The following CMIP variants were observed in gnomAD, a reference collection of about 807,000 sequenced individuals.
The protein encoded by CMIP is C-Maf-inducing protein.
A neutral mutation model predicts 97.3 loss-of-function variants in CMIP; 13 were observed. That is an observed-to-expected ratio of 0.13 (90% CI 0.09 to 0.21). The LOEUF (loss-of-function observed/expected upper bound fraction) is 0.21, where lower values mean the gene tolerates loss of function less well. Ranked by LOEUF, CMIP falls within the 10% of genes least tolerant of loss-of-function variation. The pLI is 1.00. For missense variants in CMIP, 847 were observed against 1,024.9 expected, an observed-to-expected ratio of 0.83 and a Z score of 2.37; for synonymous variants, 538 against 436.3, an observed-to-expected ratio of 1.23 and a Z score of -2.91.
intron 1 of CMIP, among the ~76,000 whole-genome samples, chr16:81,559,824 C>A (rs754277053): frequency 2.6e-5 from 4 of 152,150 alleles, no homozygotes; most frequent in Non-Finnish European, 5.9e-5. Flanking sequence ...AAAACAGCCT[C>A]AGGCAAGTCT....
At chr16:81,594,374 C>G (rs2091516305) in intron 1 of CMIP, among the ~76,000 whole-genome samples, 1 of 151,728 alleles carries the variant, frequency 6.6e-6, no homozygotes, top group South Asian at 2.1e-4. Context: ...CCAGCCTCAG[C>G]CTCCCAAAGT....
intron 1 of CMIP, among the ~76,000 whole-genome samples, chr16:81,596,402 A>T (rs562585639): frequency 6.6e-6 from 1 of 150,458 alleles, no homozygotes; most frequent in East Asian, 2.0e-4. Context: ...GCTACTCGGG[A>T]GGCTGAGGGA....
At chr16:81,705,226 A>G (rs1907995485) in intron 18 of CMIP, among the ~76,000 whole-genome samples, 1 of 152,192 alleles carries the variant, frequency 6.6e-6, no homozygotes, top group Non-Finnish European at 1.5e-5. Context: ...AGGGAGAGAC[A>G]AGTTCAAAGC....
chr16:81,661,018 T>G, intron 6 of CMIP, 72 bp downstream of exon 6: 1 of 1,597,938 alleles, frequency 6.3e-7, no homozygotes, highest in African/African-American at 1.3e-5. Flanking sequence ...AGGGATTGGG[T>G]TTGCACAGAA....
chr16:81,538,269 C>G (rs2150834515), intron 1 of CMIP, among the ~76,000 whole-genome samples: 1 of 152,306 alleles, frequency 6.6e-6, no homozygotes, highest in South Asian at 2.1e-4. Flanking sequence ...CCCATGGAAA[C>G]TCATAAAGTA....
intron 1 of CMIP, chr16:81,495,523 T>C: frequency 6.2e-7 from 1 of 1,610,700 alleles, no homozygotes; most frequent in South Asian, 1.1e-5. Flanking sequence ...AACGACTCTG[T>C]CCAGCTTGAT....
intron 1 of CMIP, among the ~76,000 whole-genome samples, chr16:81,591,165 C>G (rs1444045296): frequency 6.6e-6 from 1 of 152,238 alleles, no homozygotes; most frequent in Non-Finnish European, 1.5e-5. Context: ...AAAGTTATTT[C>G]TCTTCTGTGG....
chr16:81,536,217 G>C (rs1045115348), intron 1 of CMIP, among the ~76,000 whole-genome samples: 1 of 152,204 alleles, frequency 6.6e-6, no homozygotes, highest in Non-Finnish European at 1.5e-5. Context: ...AAGGCTTCCA[G>C]CTTGCTGAGG....
In CMIP at chr16:81,627,504, C is replaced by A. The variant is rs1316561297; in HGVS notation, c.477+6578C>A. 1.3e-5 allele frequency among the ~76,000 whole-genome samples: 2 copies of A among 152,038 alleles called. No individual in the cohort carries two copies. The highest frequency in any genetic ancestry group is 6.5e-5 in the Admixed American group (1 of 15,278). On this transcript the variant is annotated intron_variant, in intron 3 of 20. Coordinates refer to ENST00000537098, the MANE Select transcript of CMIP (RefSeq NM_198390.3). The surrounding 1 kb of genome is among the most constrained non-coding windows in gnomAD (Gnocchi z 4.6). ...TGGCTCGGCCTGTCTCCCTGGCAGC[C>A]CCTTCCAGCCTCCACAGGTGGTCCC...
chr16:81,671,919 G>T (rs1220139471), intron 8 of CMIP, 47 bp from the exon 9 acceptor site: 3 of 1,034,740 alleles, frequency 2.9e-6, no homozygotes, highest in Non-Finnish European at 2.9e-6. Flanking sequence ...CTGTCCATGG[G>T]CCCCACTCCT....
chr16:81,676,294 G>A (rs1033929967), intron 9 of CMIP, among the ~76,000 whole-genome samples: 1 of 151,848 alleles, frequency 6.6e-6, no homozygotes, highest in African/African-American at 2.4e-5. Context: ...ACGTTTCGTG[G>A]GCTCAGGTCC....
intron 1 of CMIP, among the ~76,000 whole-genome samples, chr16:81,480,455 G>A (rs1230730903): frequency 6.6e-6 from 1 of 152,174 alleles, no homozygotes; most frequent in African/African-American, 2.4e-5. Flanking sequence ...CATGAGAATC[G>A]CTTGAACCCG....
chr16:81,613,343 A>G (rs2091862328), intron 2 of CMIP, among the ~76,000 whole-genome samples: 1 of 152,142 alleles, frequency 6.6e-6, no homozygotes, highest in South Asian at 2.1e-4. Flanking sequence ...GCATTGCTTC[A>G]TGTTCCAGGG....
intron 1 of CMIP, among the ~76,000 whole-genome samples, chr16:81,537,944 C>A (rs1186331101): frequency 6.6e-6 from 1 of 152,080 alleles, no homozygotes; most frequent in African/African-American, 2.4e-5. Context: ...GAGTCTTGGC[C>A]GTCAGGCCGA....
At chr16:81,581,382 G>A (rs1350294553) in intron 1 of CMIP, among the ~76,000 whole-genome samples, 1 of 152,166 alleles carries the variant, frequency 6.6e-6, no homozygotes, top group Admixed American at 6.5e-5. Context: ...CACCTGGGCT[G>A]TGAGGTGCGG....
intron 1 of CMIP, among the ~76,000 whole-genome samples, chr16:81,575,097 C>A (rs1209117098): frequency 1.3e-5 from 2 of 152,158 alleles, no homozygotes; most frequent in Non-Finnish European, 2.9e-5. Context: ...AACTGAGTAA[C>A]TGAGCACTTA....
intron 1 of CMIP, among the ~76,000 whole-genome samples, chr16:81,512,158 G>A (rs2089824739): frequency 6.6e-6 from 1 of 152,136 alleles, no homozygotes; most frequent in Admixed American, 6.5e-5. Flanking sequence ...TTAAACATGT[G>A]GCTTGCATTG....
intron 10 of CMIP, among the ~76,000 whole-genome samples, chr16:81,682,742 G>A (rs543129563): frequency 6.6e-6 from 1 of 152,240 alleles, no homozygotes; most frequent in Non-Finnish European, 1.5e-5. Context: ...CAGGGGTAGT[G>A]GGGCGCAGGC....
intron 1 of CMIP, among the ~76,000 whole-genome samples, chr16:81,496,917 C>T (rs939680062): frequency 2.0e-5 from 3 of 152,290 alleles, no homozygotes; most frequent in African/African-American, 7.2e-5. Flanking sequence ...CACCCACCCA[C>T]AGCCTGGCAG....
Sources: gnomAD v4.1 joint callset for allele counts (sites outside exome capture counted in the v4.1 genomes callset) on GRCh38, gnomAD v4.1.1 for gene constraint, Gnocchi (gnomAD v3.1) non-coding constraint, MANE v1.5 for transcripts, NCBI Gene and HGNC (gene_info 2026-07-23, HGNC 2026-07-21) for gene names.